Variants in LAMA3 observed in about 807,000 individuals in gnomAD.
LAMA3 encodes laminin subunit alpha 3, also known as laminin subunit alpha-3.
A neutral mutation model predicts 402.0 loss-of-function variants in LAMA3; 281 were observed. The ratio of observed to expected loss-of-function variants is 0.70; its 90% CI spans 0.63 to 0.77. LAMA3 has a LOEUF of 0.77. LAMA3 is among the 30% of genes least tolerant of loss of function. LAMA3 has a pLI of 0.00. For missense variants in LAMA3, 3,840 were observed against 4,215.5 expected, an observed-to-expected ratio of 0.91 and a Z score of 2.47; for synonymous variants, 1,431 against 1,558.4, an observed-to-expected ratio of 0.92 and a Z score of 1.93.
rs77300514 is a variant in LAMA3 at position 23,783,831 on chromosome 18, A to G, written c.1469-192A>G. Among the ~76,000 whole-genome samples the G allele has an allele frequency of 8.5e-5, 13 of 152,268 alleles. No individual in the cohort carries two copies. The East Asian group carries it at 2.5e-3, about 29-fold the overall frequency. On this transcript the variant is annotated intron_variant, in intron 11 of 74. Coordinates refer to ENST00000313654, the MANE Select transcript of LAMA3 (RefSeq NM_198129.4). ...TGCCCATCCTTACGTGTTTTTTTTA[A>G]TGATATCTCTGACCTTTTGTGAATT...
At chr18:23,736,645 T>C (rs1478922979) in intron 2 of LAMA3, among the ~76,000 whole-genome samples, 2 of 152,152 alleles carry the variant, frequency 1.3e-5, no homozygotes, top group African/African-American at 4.8e-5. Flanking sequence ...ATATTTCACA[T>C]TTGCAAGATA....
chr18:23,824,609 T>C (rs1460141673), intron 21 of LAMA3, 44 bp downstream of exon 21: 5 of 1,606,798 alleles, frequency 3.1e-6, no homozygotes, highest in Non-Finnish European at 4.3e-6. Flanking sequence ...GGATTCTTCC[T>C]ACCTCAGAAG....
intron 1 of LAMA3, among the ~76,000 whole-genome samples, chr18:23,697,379 C>T (rs1053992392): frequency 2.6e-5 from 4 of 152,160 alleles, no homozygotes; most frequent in Middle Eastern, 3.2e-3. Flanking sequence ...TTTTGGTCAA[C>T]GACGCAGGCT....
chr18:23,864,252 G>T (rs1376012763), intron 35 of LAMA3, among the ~76,000 whole-genome samples: 2 of 149,998 alleles, frequency 1.3e-5, no homozygotes, highest in Non-Finnish European at 3.0e-5. Flanking sequence ...AAAGAGACAG[G>T]GTCTTGCCCT....
intron 27 of LAMA3, among the ~76,000 whole-genome samples, chr18:23,840,966 C>T (rs2063688674): frequency 6.6e-6 from 1 of 152,152 alleles, no homozygotes; most frequent in South Asian, 2.1e-4. Context: ...CAAAAAGTTT[C>T]AGATTTTGGA....
chr18:23,876,299 T>C lies in LAMA3; in HGVS notation c.5004T>C (p.Cys1668=). 1 of 1,609,682 alleles carries C rather than the reference T, an allele frequency of 6.2e-7. No individual in the cohort carries two copies. The highest frequency in any genetic ancestry group is 1.3e-5 in the African/African-American group (1 of 74,980). Residue 1668 remains cysteine (C), a synonymous_variant, in exon 39 of 75, where the codon TGT becomes TGC. Coordinates refer to ENST00000313654, the MANE Select transcript of LAMA3 (RefSeq NM_198129.4). ...ACACTTTGTTTGAAAAATAGGGTTGTAGCCCTGGATACTATCGGGATCATA... is the reference window on the plus strand; with the variant it reads ...ACACTTTGTTTGAAAAATAGGGTTGCAGCCCTGGATACTATCGGGATCATA... ...PAYAGDSCQG[C]SPGYYRDHKG...
intron 24 of LAMA3, chr18:23,834,531 T>C (rs1258812721): frequency 6.1e-6 from 1 of 164,856 alleles, no homozygotes; most frequent in African/African-American, 2.4e-5. Flanking sequence ...CAAGGGCTTA[T>C]TAAAAATGGT....
At chr18:23,738,643 C>T (rs1022833239) in intron 2 of LAMA3, among the ~76,000 whole-genome samples, 3 of 152,166 alleles carry the variant, frequency 2.0e-5, no homozygotes, top group Non-Finnish European at 2.9e-5. Flanking sequence ...CAGCTGTGTT[C>T]GAACACTACC....
At chr18:23,909,051 G>C in intron 54 of LAMA3, 102 bp from the exon 55 acceptor site, 1 of 1,124,374 alleles carries the variant, frequency 8.9e-7, no homozygotes. Context: ...CAACATCTGG[G>C]GACCAAACAT....
At chr18:23,855,428 C>T (rs564595735) in intron 32 of LAMA3, among the ~76,000 whole-genome samples, 2 of 152,172 alleles carry the variant, frequency 1.3e-5, no homozygotes, top group Admixed American at 6.5e-5. Context: ...CTCTTCTTTC[C>T]GGTCTCTAGA....
At chr18:23,773,657 T>G (rs1445383338) in intron 9 of LAMA3, 70 bp downstream of exon 9, 3 of 969,852 alleles carry the variant, frequency 3.1e-6, no homozygotes, top group African/African-American at 1.6e-5. Context: ...CAGGCTAACT[T>G]TGGATCAGTT....
intron 42 of LAMA3, among the ~76,000 whole-genome samples, chr18:23,891,683 G>A (rs1219228997): frequency 6.6e-6 from 1 of 152,164 alleles, no homozygotes; most frequent in Non-Finnish European, 1.5e-5. Context: ...TAAACCTTTA[G>A]CTATGTGATA....
chr18:23,715,608 T>C (rs1276296460), intron 2 of LAMA3, among the ~76,000 whole-genome samples: 2 of 152,206 alleles, frequency 1.3e-5, no homozygotes, highest in Admixed American at 6.5e-5. Context: ...TTTCTTTGTT[T>C]ATGATAGAGA....
In LAMA3 at chr18:23,871,464, G is replaced by A; in HGVS notation, c.4801G>A (p.Val1601Met). 6.2e-7 allele frequency: 1 copy of A among 1,614,140 alleles called. No homozygotes were observed. Among genetic ancestry groups the A allele is most frequent in the African/African-American group, 1.3e-5 (1 of 75,026 alleles). ...CAGACATGCCAGCAGCCGTGCCCCA[G>A]TGTCTAGGGAGGAGCTGATGACAGT... ...NFRHASSRAP[V>M]SREELMTVLS... The change falls in exon 38 of 75, where the codon GTG (valine) becomes ATG (methionine). Residue 1601 changes from valine (V) to methionine (M), a missense_variant. Coordinates refer to ENST00000313654, the MANE Select transcript of LAMA3 (RefSeq NM_198129.4).
intron 1 of LAMA3, among the ~76,000 whole-genome samples, chr18:23,700,514 A>G (rs2060772439): frequency 1.3e-5 from 2 of 152,188 alleles, no homozygotes; most frequent in African/African-American, 4.8e-5. Flanking sequence ...TGGAATTAAT[A>G]GAGCTGGCTT....
At position 23,842,381 on chromosome 18, in the gene LAMA3, T is replaced by C. The variant is rs775928338; in HGVS notation, c.3337-14T>C. On this transcript the variant is annotated splice_polypyrimidine_tract_variant and intron_variant, in intron 27 of 74. Coordinates refer to ENST00000313654, the MANE Select transcript of LAMA3 (RefSeq NM_198129.4). ...GGGTTTTTAATTTTTTTTCCTCCTC[T>C]TTTTTCCTCTTAGAATCAAGTGACC... 1.2e-6 allele frequency: 2 copies of C among 1,614,110 alleles called. No individual in the cohort carries two copies. Among genetic ancestry groups the C allele is most frequent in the South Asian group, 2.2e-5 (2 of 91,070 alleles).
At chr18:23,747,643 C>T (rs2061675136) in intron 2 of LAMA3, among the ~76,000 whole-genome samples, 1 of 152,174 alleles carries the variant, frequency 6.6e-6, no homozygotes, top group Admixed American at 6.5e-5. Context: ...AATGCATAGA[C>T]TTTAAGATAC....
intron 70 of LAMA3, among the ~76,000 whole-genome samples, chr18:23,948,293 G>A (rs1300675398): frequency 1.3e-5 from 2 of 152,148 alleles, no homozygotes; most frequent in Non-Finnish European, 2.9e-5. Context: ...CTTTCAACCT[G>A]AGGGTATAAA....
intron 12 of LAMA3, among the ~76,000 whole-genome samples, chr18:23,796,961 G>C (rs564070907): frequency 6.6e-6 from 1 of 152,258 alleles, no homozygotes; most frequent in African/African-American, 2.4e-5. Flanking sequence ...GGGACTGGAG[G>C]ACACCAGCAG....
Sources: allele counts gnomAD v4.1 joint callset (sites outside exome capture counted in the v4.1 genomes callset), GRCh38; gene constraint gnomAD v4.1.1; transcripts MANE v1.5; gene names NCBI Gene and HGNC (gene_info 2026-07-23, HGNC 2026-07-21).